ZNF2: variants seen among roughly 807,000 people sequenced by gnomAD.
ZNF2 encodes the protein zinc finger protein 2, also known as zinc finger protein 2.2.
Under a neutral mutation model 21.9 loss-of-function variants are expected in ZNF2, and 12 were observed. The ratio of observed to expected loss-of-function variants is 0.55; its 90% confidence interval spans 0.35 to 0.89. The LOEUF (loss-of-function observed/expected upper bound fraction) is 0.89, where lower values mean the gene tolerates loss of function less well. ZNF2 is among the 40% of genes least tolerant of loss of function. ZNF2 has a pLI of 0.01. For missense variants in ZNF2, 462 were observed against 544.2 expected, an observed-to-expected ratio of 0.85 and a Z score of 1.50; for synonymous variants, 186 against 196.3, an observed-to-expected ratio of 0.95 and a Z score of 0.44.
chr2:95,177,358 T>C (rs1436708249), intron 2 of ZNF2, 125 bp from the exon 3 acceptor site: 3 of 1,137,096 alleles, frequency 2.6e-6, no homozygotes, highest in Non-Finnish European at 2.5e-6. Flanking sequence ...AAAGTTCTAC[T>C]CAGTCAGAAC....
chr2:95,167,315 T>A (rs371065301), intron 1 of ZNF2, among the ~76,000 whole-genome samples: 2 of 151,742 alleles, frequency 1.3e-5, no homozygotes, highest in African/African-American at 4.8e-5. Flanking sequence ...CCATCCTGGC[T>A]AACACGGTGA....
chr2:95,175,583 C>G (rs1160430526), intron 1 of ZNF2, among the ~76,000 whole-genome samples: 2 of 152,158 alleles, frequency 1.3e-5, no homozygotes, highest in Non-Finnish European at 2.9e-5. Context: ...ACCCACTTGT[C>G]CTGACATTTC....
At chr2:95,177,757 C>T (rs1674497972) in intron 3 of ZNF2, 148 bp downstream of exon 3, 2 of 1,073,552 alleles carry the variant, frequency 1.9e-6, no homozygotes, top group South Asian at 1.9e-5. Flanking sequence ...CATCAGAGTA[C>T]AGCAACGGCG....
In ZNF2 at chr2:95,177,538, G is replaced by C. The variant is rs376820359; in HGVS notation, c.89G>C (p.Arg30Pro). The change falls in exon 3 of 5, where the codon CGT becomes CCT. Residue 30 changes from arginine (R) to proline (P), a missense_variant. By Grantham distance (103) the Arg-to-Pro change is moderately radical. Coordinates refer to ENST00000614034, the MANE Select transcript of ZNF2 (RefSeq NM_021088.4). ...AVVFTDEEWS[R>P]LVPIQRDLYK... ...GTTTTCACAGATGAAGAGTGGAGTCGTCTGGTCCCCATACAGAGGGACCTC... is the reference window on the plus strand; with the variant it reads ...GTTTTCACAGATGAAGAGTGGAGTCCTCTGGTCCCCATACAGAGGGACCTC... 6.2e-7 allele frequency: 1 copy of C among 1,614,098 alleles called. No individual in the cohort carries two copies. The highest frequency in any genetic ancestry group is 8.5e-7 in the Non-Finnish European group (1 of 1,179,992).
chr2:95,170,156 G>A (rs1427508958), intron 1 of ZNF2, among the ~76,000 whole-genome samples: 2 of 152,102 alleles, frequency 1.3e-5, no homozygotes, highest in African/African-American at 2.4e-5. Flanking sequence ...TGTGATGGAC[G>A]AATCTTAACA....
At position 95,184,047 on chromosome 2, in the gene ZNF2, T is replaced by C. The variant is rs1674780043; in HGVS notation, c.*1941T>C. 1 of 152,178 alleles carries C rather than the reference T, an allele frequency of 6.6e-6. No individual in the cohort carries two copies. The highest frequency in any genetic ancestry group is 1.5e-5 in the Non-Finnish European group (1 of 68,032). The allele number at this position is 152,178 out of a possible 1,614,324, so 9.4% of individuals were successfully genotyped here. A position where few individuals can be genotyped will look rare whatever the true frequency, so the allele number is the denominator to read the frequency against. ...TTCTGAAAGGCTGTCTGGAATTAGA[T>C]TGTCCTACGTGATTCCCAGTGAATT... On this transcript the variant is annotated 3_prime_UTR_variant, in exon 5 of 5. Coordinates refer to ENST00000614034, the MANE Select transcript of ZNF2 (RefSeq NM_021088.4).
chr2:95,177,625 A>C lies in ZNF2; in HGVS notation c.160+16A>C, dbSNP rs1234496853. The C allele has an allele frequency of 1.9e-6, 3 of 1,612,794 alleles. No individual in the cohort carries two copies. The East Asian group carries it at 6.7e-5, about 36-fold the overall frequency. On this transcript the variant is annotated intron_variant, in intron 3 of 4. Transcript: ENST00000614034. ...GTGTCATTGGGTAAGGGGAGCCTCC[A>C]TGAGGAGGTACAGTCTGTACTATGC...
In ZNF2 at chr2:95,181,430, A is replaced by G; in HGVS notation, c.602A>G (p.Tyr201Cys). 1 of 1,614,182 alleles carries G rather than the reference A, an allele frequency of 6.2e-7. No homozygotes were observed. Among genetic ancestry groups the G allele is most frequent in the Non-Finnish European group, 8.5e-7 (1 of 1,180,018 alleles). ...AGGACTCACACTGGGGAGAAGCCCT[A>G]CGACTGCCGCGAGTGTGGGAAAGCC... ...HQRTHTGEKP[Y>C]DCRECGKAFS... is the part of the protein sequence containing the mutation. The change falls in exon 5 of 5, where the codon TAC becomes TGC. Residue 201 changes from tyrosine to cysteine, a missense_variant. Physicochemically the swap from Tyr to Cys is radical, Grantham distance 194 (BLOSUM62 -2). Transcript: ENST00000614034.
chr2:95,174,350 C>T (rs144643008), intron 1 of ZNF2, among the ~76,000 whole-genome samples: 4 of 152,282 alleles, frequency 2.6e-5, no homozygotes, highest in African/African-American at 7.2e-5. Flanking sequence ...CATGTCCACA[C>T]CCAAATCCTT....
intron 1 of ZNF2, among the ~76,000 whole-genome samples, chr2:95,175,032 T>G (rs1422603262): frequency 6.6e-6 from 1 of 152,148 alleles, no homozygotes. Flanking sequence ...TCTTGTTTTA[T>G]TTTTATATTT....
chr2:95,175,676 C>G (rs575225227), intron 1 of ZNF2, among the ~76,000 whole-genome samples: 1 of 152,308 alleles, frequency 6.6e-6, no homozygotes, highest in Admixed American at 6.5e-5. Flanking sequence ...CATTACCCAC[C>G]TGTGGCCTAA....
chr2:95,172,217 A>T (rs1674299003), intron 1 of ZNF2, among the ~76,000 whole-genome samples: 1 of 152,200 alleles, frequency 6.6e-6, no homozygotes, highest in South Asian at 2.1e-4. Context: ...AGACCCTCCA[A>T]TAGGAGAGCA....
chr2:95,181,647 T>C lies in ZNF2; in HGVS notation c.819T>C (p.Thr273=), dbSNP rs573745086. ...GKAFFDRSSL[T]RHQRIHTGES... is the part of the protein sequence containing the mutation. Reference sequence around the variant, plus strand: ...CCTTTTTTGACCGTTCATCCCTTACTCGACACCAGAGAATTCACACTGGAG... The same window carrying C: ...CCTTTTTTGACCGTTCATCCCTTACCCGACACCAGAGAATTCACACTGGAG... Residue 273 remains threonine, a synonymous_variant, in exon 5 of 5, where the codon ACT becomes ACC. Transcript: ENST00000614034. 6.2e-7 allele frequency: 1 copy of C among 1,614,064 alleles called. No individual in the cohort carries two copies. Among genetic ancestry groups the C allele is most frequent in the South Asian group, 1.1e-5 (1 of 91,076 alleles).
At chr2:95,166,236 T>G (rs1288059779) in intron 1 of ZNF2, among the ~76,000 whole-genome samples, 1 of 151,712 alleles carries the variant, frequency 6.6e-6, no homozygotes, top group Non-Finnish European at 1.5e-5. Flanking sequence ...GATTGCCTCA[T>G]TTAGCTCCCT....
intron 1 of ZNF2, among the ~76,000 whole-genome samples, chr2:95,166,488 G>T (rs967046748): frequency 2.0e-5 from 3 of 152,186 alleles, no homozygotes; most frequent in Non-Finnish European, 2.9e-5. Flanking sequence ...AGGCAAGGTG[G>T]CTTATATAGG....
At chr2:95,168,601 A>G (rs1390315830) in intron 1 of ZNF2, among the ~76,000 whole-genome samples, 1 of 152,236 alleles carries the variant, frequency 6.6e-6, no homozygotes, top group Non-Finnish European at 1.5e-5. Flanking sequence ...CTTGGTACAT[A>G]TTCATCAAAT....
At chr2:95,181,069 G>GA (rs770037049) in intron 4 of ZNF2, 34 bp from the exon 5 acceptor site, 62 of 1,596,894 alleles carry the variant, frequency 3.9e-5, no homozygotes, top group African/African-American at 2.8e-4. Context: ...CCTAGCCCAG[G>GA]AAAAAAACTG....
chr2:95,173,119 C>T (rs1674337634), intron 1 of ZNF2, among the ~76,000 whole-genome samples: 1 of 151,690 alleles, frequency 6.6e-6, no homozygotes, highest in Non-Finnish European at 1.5e-5. Context: ...TATTATTTAC[C>T]TGTTTTTAAA....
At chr2:95,172,914 G>C (rs1382179116) in intron 1 of ZNF2, among the ~76,000 whole-genome samples, 1 of 151,676 alleles carries the variant, frequency 6.6e-6, no homozygotes, top group Non-Finnish European at 1.5e-5. Context: ...TGGGATTACA[G>C]GTGTGAGCCA....
Sources: gnomAD v4.1 joint callset for allele counts (sites outside exome capture counted in the v4.1 genomes callset) on GRCh38, gnomAD v4.1.1 for gene constraint, MANE v1.5 for transcripts, NCBI Gene and HGNC (gene_info 2026-07-23, HGNC 2026-07-21) for gene names.